GRK1: variants seen among roughly 807,000 people sequenced by gnomAD.
GRK1 encodes rhodopsin kinase GRK1.
Under a neutral mutation model 41.7 loss-of-function variants are expected in GRK1, and 28 were observed. The ratio of observed to expected loss-of-function variants is 0.67; its 90% CI spans 0.50 to 0.92. GRK1 has a LOEUF of 0.92. GRK1 is among the 40% of genes least tolerant of loss of function. The pLI is 0.00. For missense variants in GRK1, 703 were observed against 671.2 expected (o/e 1.05, Z -0.52); for synonymous variants, 327 against 286.7 (o/e 1.14, Z -1.42).
At chr13:113,730,932 C>T (rs962323525) in intron 4 of GRK1, among the ~76,000 whole-genome samples, 4 of 152,212 alleles carry the variant, frequency 2.6e-5, no homozygotes, top group South Asian at 2.1e-4. Flanking sequence ...CAACAAGTCC[C>T]GCCCTGTGCC....
intron 2 of GRK1, 97 bp downstream of exon 2, chr13:113,669,911 GC>G: frequency 6.8e-7 from 1 of 1,463,926 alleles, no homozygotes; most frequent in South Asian, 1.2e-5. Context: ...AGCCATGGTG[GC>G]CCCAGGCCTG....
intron 4 of GRK1, among the ~76,000 whole-genome samples, chr13:113,726,878 C>T (rs1459735124): frequency 6.6e-6 from 1 of 152,204 alleles, no homozygotes; most frequent in African/African-American, 2.4e-5. Flanking sequence ...AGGCAGGGTT[C>T]CTGCAACTCT....
At chr13:113,652,522 G>GCTAAAC in the GRK1 span, among the ~76,000 whole-genome samples, 2 of 152,370 alleles carry the variant, frequency 1.3e-5, no homozygotes, top group East Asian at 3.9e-4. Context: ...TTTAGAAGGT[G>GCTAAAC]CTAAACCCCT....
In GRK1 at chr13:113,667,798, C is replaced by T. The variant is rs753003410; in HGVS notation, c.412C>T (p.Pro138Ser). Residue 138 changes from proline to serine, a missense_variant, in exon 1 of 7, where the codon CCT (proline) becomes TCT (serine). Pro to Ser is a moderately conservative substitution (Grantham distance 74). Transcript: ENST00000335678. This position sits in a 1 kb window ranked among gnomAD's most constrained non-coding sequence, Gnocchi z 7.5. Reference sequence around the variant, plus strand: ...GATAGTGGCGAAGTTTAAGGAGGGGCCTGTGGAGATCCAGGACGGGCTCTT... The same window carrying T: ...GATAGTGGCGAAGTTTAAGGAGGGGTCTGTGGAGATCCAGGACGGGCTCTT... The part of the protein sequence containing the change: ...EGIVAKFKEG[P>S]VEIQDGLFQP... 3 of 1,607,888 alleles carry T rather than the reference C, an allele frequency of 1.9e-6. No individual in the cohort carries two copies. In the African/African-American group the frequency reaches 4.0e-5, roughly 22 times the overall value.
chr13:113,732,847 G>C, intron 5 of GRK1, 37 bp from the exon 6 acceptor site: 1 of 1,509,310 alleles, frequency 6.6e-7, no homozygotes, highest in South Asian at 1.3e-5. Flanking sequence ...CAAGAGAGGC[G>C]GGTCTGGCAG....
chr13:113,733,713 G>A (rs1371792009), intron 6 of GRK1, among the ~76,000 whole-genome samples: 7 of 140,002 alleles, frequency 5.0e-5, no homozygotes, highest in East Asian at 2.1e-4. Flanking sequence ...GCGTGTGTGC[G>A]CACGTGTGTG....
rs1258170652 is a variant in GRK1 at position 113,669,764 on chromosome 13, C to T, written c.777C>T (p.Thr259=). The change falls in exon 2 of 7, where the codon ACC becomes ACT. Residue 259 remains threonine (T), a synonymous_variant. Transcript: ENST00000335678. ...TGTCTCTGGCCTATGCGTTTGAAAC[C>T]AAAGCCGACCTCTGTCTGGTGATGA... ...FIVSLAYAFE[T]KADLCLVMTI... 6.2e-7 allele frequency: 1 copy of T among 1,613,954 alleles called. No homozygotes were observed.
chr13:113,723,694 G>A (rs575677741), intron 4 of GRK1, among the ~76,000 whole-genome samples: 2 of 152,218 alleles, frequency 1.3e-5, no homozygotes, highest in East Asian at 1.9e-4. Context: ...GCAGTTCCCA[G>A]CTTGACTCTT....
intron 1 of GRK1, 130 bp downstream of exon 1, chr13:113,668,215 T>A: frequency 9.9e-7 from 1 of 1,008,574 alleles, no homozygotes; most frequent in Non-Finnish European, 1.4e-6. Flanking sequence ...GGAGCATGCA[T>A]GCCAGCCTCG....
intron 4 of GRK1, among the ~76,000 whole-genome samples, chr13:113,727,530 T>TGAGTACCCATGGCAATGAG (rs1203372766): frequency 6.6e-6 from 1 of 151,824 alleles, no homozygotes; most frequent in Non-Finnish European, 1.5e-5. Flanking sequence ...ATCCCCATCA[T>TGAGTACCCATGGCAATGAG]GAGTACCCAT....
the GRK1 span, chr13:113,652,711 G>T: frequency 1.3e-6 from 1 of 775,494 alleles, no homozygotes; most frequent in Non-Finnish European, 2.2e-6. Context: ...AACCACACGG[G>T]ACAGGTGCGT....
the GRK1 span, chr13:113,652,912 A>G: frequency 6.2e-7 from 1 of 1,614,198 alleles, no homozygotes; most frequent in South Asian, 1.1e-5. Flanking sequence ...TTCCTTCTTC[A>G]AAGCCGAAGT....
rs998411901 is a variant in GRK1, at chr13:113,733,030, C to T, written c.1341C>T (p.Asp447=). Residue 447 remains aspartate, a synonymous_variant, in exon 6 of 7, where the codon GAC becomes GAT. Coordinates refer to ENST00000335678, the MANE Select transcript of GRK1 (RefSeq NM_002929.3). The stretch of plus-strand genomic sequence containing the variant: ...TGGGGTTCAGAGATGAGACCTGCGA[C>T]AAGCTCCGTGCCCACCCCCTCTTCA... ...KRLGFRDETC[D]KLRAHPLFKD... The T allele has an allele frequency of 3.3e-6, 5 of 1,537,006 alleles. No homozygotes were observed. The highest frequency in any genetic ancestry group is 2.7e-5 in the African/African-American group (2 of 73,064).
chr13:113,734,718 A>C (rs2049990008), intron 6 of GRK1: 1 of 192,668 alleles, frequency 5.2e-6, no homozygotes, highest in African/African-American at 2.3e-5. Context: ...ATGGGGCCCC[A>C]GGGGAAGGCG....
At position 113,735,233 on chromosome 13, in the gene GRK1, A is replaced by G; in HGVS notation, c.1562A>G (p.Glu521Gly). ...TGNCPIPWQE[E>G]MIETGIFGEL... Reference sequence around the variant, plus strand: ...AACTGCCCCATCCCCTGGCAGGAGGAGATGATCGAGACGGGCATCTTTGGC... The same window carrying G: ...AACTGCCCCATCCCCTGGCAGGAGGGGATGATCGAGACGGGCATCTTTGGC... The change falls in exon 7 of 7, where the codon GAG becomes GGG. Residue 521 changes from glutamate (E) to glycine (G), a missense_variant. By Grantham distance (98) the Glu-to-Gly change is moderately conservative. Coordinates refer to ENST00000335678, the MANE Select transcript of GRK1 (RefSeq NM_002929.3). 1 of 1,537,128 alleles carries G rather than the reference A, an allele frequency of 6.5e-7. No homozygotes were observed.
chr13:113,732,223 G>A lies in GRK1; in HGVS notation c.1195-661G>A, dbSNP rs373955683. The stretch of plus-strand genomic sequence containing the variant: ...TGCGGCTCTTCCCTGGCCACCCATC[G>A]CCCCCTCAATGCCACCTGGGCGATG... On this transcript the variant is annotated intron_variant, in intron 5 of 6. Coordinates refer to ENST00000335678, the MANE Select transcript of GRK1 (RefSeq NM_002929.3). 3.8e-4 allele frequency among the ~76,000 whole-genome samples: 58 copies of A among 152,248 alleles called. No homozygotes were observed. In the East Asian group the frequency reaches 6.8e-3, roughly 18 times the overall value.
chr13:113,666,325 G>T (rs1385085281), upstream of GRK1, among the ~76,000 whole-genome samples: 1 of 149,674 alleles, frequency 6.7e-6, no homozygotes, highest in Non-Finnish European at 1.5e-5. Context: ...GCTGTCCCAG[G>T]TCTCAGGTGT....
intron 2 of GRK1, 24 bp downstream of exon 2, chr13:113,669,838 G>A (rs1165575102): frequency 1.2e-5 from 19 of 1,612,714 alleles, no homozygotes; most frequent in Middle Eastern, 3.3e-4. Context: ...CAGAGGGCAC[G>A]AGGGGGCCCC....
intron 6 of GRK1, among the ~76,000 whole-genome samples, chr13:113,733,772 T>C (rs574409382): frequency 7.0e-6 from 1 of 142,656 alleles, no homozygotes; most frequent in East Asian, 2.0e-4. Flanking sequence ...TGTATGTGTG[T>C]GCATACGTGT....
Sources: gnomAD v4.1 joint callset for allele counts (sites outside exome capture counted in the v4.1 genomes callset) on GRCh38, gnomAD v4.1.1 for gene constraint, Gnocchi (gnomAD v3.1) non-coding constraint, MANE v1.5 for transcripts, NCBI Gene and HGNC (gene_info 2026-07-23, HGNC 2026-07-21) for gene names.